Variants in PELI2 observed in about 807,000 individuals in gnomAD.
PELI2 encodes the protein pellino E3 ubiquitin protein ligase family member 2.
A neutral mutation model predicts 42.3 loss-of-function variants in PELI2; 23 were observed. That is an observed-to-expected ratio of 0.54 (90% CI 0.39 to 0.77). PELI2 has a LOEUF of 0.77. Ranked by LOEUF, PELI2 falls within the 30% of genes least tolerant of loss-of-function variation. PELI2 has a pLI of 0.00. For missense variants in PELI2, 463 were observed against 553.2 expected (o/e 0.84, Z 1.64); for synonymous variants, 245 against 212.2 (o/e 1.15, Z -1.34).
At chr14:56,172,057 A>G (rs1403789776) in intron 1 of PELI2, among the ~76,000 whole-genome samples, 1 of 152,110 alleles carries the variant, frequency 6.6e-6, no homozygotes, top group African/African-American at 2.4e-5. Flanking sequence ...GGAGAGGATG[A>G]CTGTGGGAAG....
intron 1 of PELI2, among the ~76,000 whole-genome samples, chr14:56,149,409 C>A (rs773994156): frequency 6.6e-6 from 1 of 152,150 alleles, no homozygotes; most frequent in Non-Finnish European, 1.5e-5. Context: ...TTTTTTATTT[C>A]TACAACTTGC....
At chr14:56,148,666 C>T (rs961902092) in intron 1 of PELI2, among the ~76,000 whole-genome samples, 1 of 152,246 alleles carries the variant, frequency 6.6e-6, no homozygotes, top group African/African-American at 2.4e-5. Flanking sequence ...TCCCTCCTCT[C>T]CTCCTTTCTT....
At chr14:56,208,192 A>G (rs1886585505) in intron 2 of PELI2, among the ~76,000 whole-genome samples, 1 of 152,190 alleles carries the variant, frequency 6.6e-6, no homozygotes, top group Non-Finnish European at 1.5e-5. Flanking sequence ...TGGGGAAGGA[A>G]TTGTCTCAAG....
chr14:56,127,351 C>A (rs1018149811), intron 1 of PELI2, among the ~76,000 whole-genome samples: 4 of 152,104 alleles, frequency 2.6e-5, no homozygotes, highest in Non-Finnish European at 4.4e-5. Context: ...ATACAAGCAT[C>A]CTGCAGGTAC....
At chr14:56,237,473 C>G (rs577178332) in intron 2 of PELI2, among the ~76,000 whole-genome samples, 1 of 152,134 alleles carries the variant, frequency 6.6e-6, no homozygotes, top group African/African-American at 2.4e-5. Flanking sequence ...TTATCTCTTC[C>G]ATTAATTTCT....
chr14:56,257,556 A>C (rs1888566739), intron 2 of PELI2, among the ~76,000 whole-genome samples: 1 of 138 alleles, frequency 7.2e-3, no homozygotes. Flanking sequence ...TGTGAAACAC[A>C]GAGGAACAGA....
intron 1 of PELI2, among the ~76,000 whole-genome samples, chr14:56,154,482 C>T (rs895625172): frequency 2.0e-5 from 3 of 152,132 alleles, no homozygotes; most frequent in Non-Finnish European, 2.9e-5. Context: ...GTGGCAGCTC[C>T]CCCCATTCTC....
chr14:56,192,441 C>A (rs192971353), intron 2 of PELI2, among the ~76,000 whole-genome samples: 1 of 152,266 alleles, frequency 6.6e-6, no homozygotes, highest in Non-Finnish European at 1.5e-5. Context: ...TTGTGGGGCC[C>A]GTGCTGTGCC....
chr14:56,280,882 C>G (rs1889461708), intron 3 of PELI2, among the ~76,000 whole-genome samples: 1 of 151,480 alleles, frequency 6.6e-6, no homozygotes, highest in Non-Finnish European at 1.5e-5. Flanking sequence ...CCCATGCTTT[C>G]AAAAATGGAC....
intron 3 of PELI2, among the ~76,000 whole-genome samples, chr14:56,282,476 C>G (rs1489067692): frequency 6.6e-6 from 1 of 151,926 alleles, no homozygotes; most frequent in Non-Finnish European, 1.5e-5. Context: ...ATTAACAAGA[C>G]ATGAATGTAG....
At chr14:56,130,975 G>T (rs1301306202) in intron 1 of PELI2, among the ~76,000 whole-genome samples, 3 of 152,166 alleles carry the variant, frequency 2.0e-5, no homozygotes, top group Non-Finnish European at 4.4e-5. Flanking sequence ...TGGAAAAGGG[G>T]CTTCAAGTAC....
intron 2 of PELI2, among the ~76,000 whole-genome samples, chr14:56,260,445 C>T (rs1364401005): frequency 6.6e-6 from 1 of 152,134 alleles, no homozygotes; most frequent in East Asian, 1.9e-4. Flanking sequence ...TGACAGAAAC[C>T]CTATCAATGG....
intron 2 of PELI2, among the ~76,000 whole-genome samples, chr14:56,196,500 C>T (rs1285735173): frequency 6.6e-6 from 1 of 152,070 alleles, no homozygotes; most frequent in African/African-American, 2.4e-5. Flanking sequence ...GTGGATCCAT[C>T]ACAGATGTGG....
At chr14:56,192,205 G>C (rs539294259) in intron 2 of PELI2, among the ~76,000 whole-genome samples, 2 of 152,282 alleles carry the variant, frequency 1.3e-5, no homozygotes, top group Non-Finnish European at 2.9e-5. Flanking sequence ...TTGAAAAATG[G>C]AATAAAGTTT....
chr14:56,138,210 A>C (rs553357147), intron 1 of PELI2, among the ~76,000 whole-genome samples: 1 of 152,338 alleles, frequency 6.6e-6, no homozygotes, highest in South Asian at 2.1e-4. Context: ...TTTTGTTTAA[A>C]GTAGTCATTT....
chr14:56,189,186 A>G (rs1464625578), intron 2 of PELI2, among the ~76,000 whole-genome samples: 1 of 152,192 alleles, frequency 6.6e-6, no homozygotes, highest in African/African-American at 2.4e-5. Context: ...ACAGGGATTT[A>G]TATCAGTCAG....
intron 1 of PELI2, among the ~76,000 whole-genome samples, chr14:56,173,045 A>G (rs1351748410): frequency 6.6e-6 from 1 of 152,042 alleles, no homozygotes. Context: ...TATTATTCTC[A>G]TGACTTTAAC....
intron 2 of PELI2, among the ~76,000 whole-genome samples, chr14:56,247,216 A>T (rs936793138): frequency 1.3e-5 from 2 of 152,244 alleles, no homozygotes; most frequent in Non-Finnish European, 2.9e-5. Context: ...CCAAAACAGG[A>T]ATGGGAACAG....
intron 2 of PELI2, among the ~76,000 whole-genome samples, chr14:56,240,581 C>A (rs1167728000): frequency 6.6e-6 from 1 of 152,014 alleles, no homozygotes; most frequent in Non-Finnish European, 1.5e-5. Context: ...AGGAGTTTGG[C>A]TGTGTTAGTC....
Sources: gnomAD v4.1 joint callset for allele counts (sites outside exome capture counted in the v4.1 genomes callset) on GRCh38, gnomAD v4.1.1 for gene constraint, MANE v1.5 for transcripts, NCBI Gene and HGNC (gene_info 2026-07-23, HGNC 2026-07-21) for gene names.